Variants in NTRK2 observed in about 807,000 individuals in gnomAD.
The protein encoded by NTRK2 is BDNF/NT-3 growth factors receptor.
A neutral mutation model predicts 94.5 loss-of-function variants in NTRK2; 13 were observed. The observed-to-expected ratio is 0.14, with a 90% CI of 0.09 to 0.22. The LOEUF is 0.22. Among genes scored for constraint, NTRK2 ranks in the 10% least tolerant of loss-of-function variants. The pLI is 1.00. For synonymous variants in NTRK2, 372 were observed against 407.4 expected (o/e 0.91, Z 1.05); for missense variants, 639 against 1,071.2 (o/e 0.60, Z 5.63).
intron 14 of NTRK2, among the ~76,000 whole-genome samples, chr9:84,921,928 C>A (rs2077579785): frequency 6.6e-6 from 1 of 152,112 alleles, no homozygotes; most frequent in Non-Finnish European, 1.5e-5. Context: ...TGGAAAGGAA[C>A]AATTTCTTTC....
intron 6 of NTRK2, 122 bp from the exon 7 acceptor site, chr9:84,723,451 A>G: frequency 9.0e-7 from 1 of 1,110,348 alleles, no homozygotes; most frequent in South Asian, 1.3e-5. Flanking sequence ...AACAGAAATC[A>G]GTCTCAAAAA....
At chr9:84,828,192 G>T (rs746509002) in intron 12 of NTRK2, among the ~76,000 whole-genome samples, 2 of 152,042 alleles carry the variant, frequency 1.3e-5, no homozygotes, top group Non-Finnish European at 2.9e-5. Context: ...TACATTTTTG[G>T]CATTACATCT....
At chr9:84,944,559 G>C (rs1218465114) in intron 15 of NTRK2, among the ~76,000 whole-genome samples, 1 of 152,208 alleles carries the variant, frequency 6.6e-6, no homozygotes, top group Admixed American at 6.5e-5. Context: ...AAAAAGATAG[G>C]CATGTGCCTT....
chr9:84,878,821 G>T (rs1169514573), intron 14 of NTRK2, among the ~76,000 whole-genome samples: 1 of 151,990 alleles, frequency 6.6e-6, no homozygotes, highest in Non-Finnish European at 1.5e-5. Flanking sequence ...GCTCCTTCTG[G>T]CCTGGATCTT....
intron 2 of NTRK2, among the ~76,000 whole-genome samples, chr9:84,671,430 T>C (rs1288531257): frequency 6.6e-6 from 1 of 152,198 alleles, no homozygotes; most frequent in Non-Finnish European, 1.5e-5. Flanking sequence ...TAACATCTTT[T>C]TTGAGATTTA....
At chr9:85,016,117 T>C (rs1188377227) in intron 17 of NTRK2, among the ~76,000 whole-genome samples, 2 of 152,102 alleles carry the variant, frequency 1.3e-5, no homozygotes, top group Non-Finnish European at 2.9e-5. Flanking sequence ...GATGGATGAT[T>C]ACGGTGGCAC....
chr9:84,714,675 G>A (rs146282586), intron 6 of NTRK2, among the ~76,000 whole-genome samples: 6 of 152,070 alleles, frequency 3.9e-5, no homozygotes, highest in African/African-American at 9.7e-5. Flanking sequence ...ATAATAATAC[G>A]CCAATATCTT....
chr9:84,892,214 A>G (rs1035454626), intron 14 of NTRK2, among the ~76,000 whole-genome samples: 3 of 152,200 alleles, frequency 2.0e-5, no homozygotes, highest in Admixed American at 6.5e-5. Context: ...AGGATTGTAT[A>G]TTACACTCAC....
chr9:84,904,221 G>A (rs1039034973), intron 14 of NTRK2, among the ~76,000 whole-genome samples: 3 of 152,182 alleles, frequency 2.0e-5, no homozygotes, highest in Non-Finnish European at 4.4e-5. Context: ...ATACAATGCT[G>A]TAAAAGGTTT....
rs369727193 is a variant in NTRK2 at position 84,849,333 on chromosome 9, A to G, written c.1397-11707A>G. 1.0e-3 allele frequency among the ~76,000 whole-genome samples: 153 copies of G among 152,296 alleles called. 2 individuals carry two copies. The highest frequency in any genetic ancestry group is 2.9e-3 in the Admixed American group (44 of 15,292). ...GGACTGACTATTCAATTTTCTGCCT[A>G]GAAGTGCTGGGTCATTTCTGCTTAC... On this transcript the variant is annotated intron_variant, in intron 12 of 18. Transcript: ENST00000277120.
At chr9:84,742,793 T>TG (rs1554713328) in intron 10 of NTRK2, among the ~76,000 whole-genome samples, 2 of 19,098 alleles carry the variant, frequency 1.0e-4, no homozygotes, top group Non-Finnish European at 2.8e-4. Flanking sequence ...ATATTAGTTT[T>TG]TTTTTTTTTT....
At position 84,873,664 on chromosome 9, in the gene NTRK2, AT is replaced by A; in HGVS notation, c.1633+6234del. On this transcript the variant is annotated intron_variant, in intron 14 of 18. Coordinates refer to ENST00000277120, the MANE Select transcript of NTRK2 (RefSeq NM_006180.6). ...CATAATTACATTTAAAATGTAAGCC[AT>A]GTTATTATAAGCCGCACTGAGATGA... The A allele has an allele frequency of 3.8e-6, 4 of 1,055,254 alleles. No individual in the cohort carries two copies. In the South Asian group the frequency reaches 1.8e-4, roughly 48 times the overall value. The allele number at this position is 1,055,254 out of a possible 1,614,324, so 65.4% of individuals were successfully genotyped here.
intron 14 of NTRK2, among the ~76,000 whole-genome samples, chr9:84,870,602 C>T (rs1040292865): frequency 5.3e-5 from 8 of 151,556 alleles, no homozygotes; most frequent in African/African-American, 1.2e-4. Flanking sequence ...ATCCTTCACA[C>T]CTTGGCCTCC....
At chr9:85,017,353 G>A (rs1564554424) in intron 17 of NTRK2, among the ~76,000 whole-genome samples, 1 of 152,174 alleles carries the variant, frequency 6.6e-6, no homozygotes, top group Admixed American at 6.5e-5. Flanking sequence ...TGGCCACAGA[G>A]AGATTTGGCA....
chr9:84,841,415 A>G (rs1473057327), intron 12 of NTRK2, among the ~76,000 whole-genome samples: 1 of 152,094 alleles, frequency 6.6e-6, no homozygotes, highest in African/African-American at 2.4e-5. Flanking sequence ...TCTGCCTTCA[A>G]AGTATAGCTA....
chr9:84,994,697 C>T (rs1829525897), intron 17 of NTRK2, among the ~76,000 whole-genome samples: 1 of 152,154 alleles, frequency 6.6e-6, no homozygotes, highest in Non-Finnish European at 1.5e-5. Flanking sequence ...TGGCTTTTTT[C>T]CCCCTGTTCT....
At chr9:84,779,372 A>G (rs1249493573) in intron 12 of NTRK2, among the ~76,000 whole-genome samples, 2 of 152,240 alleles carry the variant, frequency 1.3e-5, no homozygotes, top group Non-Finnish European at 2.9e-5. Flanking sequence ...TGGAACACAT[A>G]GATTTGCTGT....
At chr9:84,963,927 T>C (rs978398098) in intron 17 of NTRK2, among the ~76,000 whole-genome samples, 2 of 152,232 alleles carry the variant, frequency 1.3e-5, no homozygotes, top group African/African-American at 2.4e-5. Context: ...AGTTTTCATT[T>C]CTGGAAGTTC....
chr9:84,783,786 G>T (rs1419454107), intron 12 of NTRK2, among the ~76,000 whole-genome samples: 3 of 151,960 alleles, frequency 2.0e-5, no homozygotes, highest in Admixed American at 6.6e-5. Context: ...GAGAACGGGG[G>T]TAGAGAATTG....
Sources: allele counts gnomAD v4.1 joint callset (sites outside exome capture counted in the v4.1 genomes callset), GRCh38; gene constraint gnomAD v4.1.1; transcripts MANE v1.5; gene names NCBI Gene and HGNC (gene_info 2026-07-23, HGNC 2026-07-21).